The following EHMT1 variants were observed in gnomAD, a reference collection of about 807,000 sequenced individuals.
The protein encoded by EHMT1 is histone-lysine N-methyltransferase EHMT1.
Under a neutral mutation model 147.2 loss-of-function variants are expected in EHMT1, and 15 were observed. The ratio of observed to expected loss-of-function variants is 0.10; its 90% CI spans 0.07 to 0.16. The LOEUF is 0.16. EHMT1 is among the 10% of genes least tolerant of loss of function. EHMT1 has a pLI of 1.00. For missense variants in EHMT1, 1,587 were observed against 1,772.4 expected (o/e 0.90, Z 1.88); for synonymous variants, 795 against 709.6 (o/e 1.12, Z -1.91).
At chr9:137,745,402 A>G in intron 6 of EHMT1, 1 of 397,166 alleles carries the variant, frequency 2.5e-6, no homozygotes, top group Non-Finnish European at 4.4e-6. Context: ...TATTACCATT[A>G]GATATTTAAA....
intron 17 of EHMT1, among the ~76,000 whole-genome samples, chr9:137,799,663 C>T (rs1157509427): frequency 1.3e-5 from 2 of 152,230 alleles, no homozygotes; most frequent in East Asian, 1.9e-4. Context: ...CGCTCGCTCT[C>T]ACTCCTTCCT....
At chr9:137,654,900 T>A (rs904675083) in intron 1 of EHMT1, among the ~76,000 whole-genome samples, 14 of 152,170 alleles carry the variant, frequency 9.2e-5, no homozygotes, top group Non-Finnish European at 1.8e-4. Flanking sequence ...TGCCTATGGC[T>A]TAGACAGGCC....
intron 25 of EHMT1, among the ~76,000 whole-genome samples, chr9:137,831,079 A>G (rs1020481937): frequency 6.6e-6 from 1 of 152,042 alleles, no homozygotes; most frequent in Non-Finnish European, 1.5e-5. Context: ...GGGGTGCAGC[A>G]GTTCTCTGGG....
chr9:137,768,643 G>A (rs1327266417), intron 10 of EHMT1, among the ~76,000 whole-genome samples: 21 of 130,580 alleles, frequency 1.6e-4, no homozygotes, highest in Admixed American at 2.7e-4. Flanking sequence ...TCCGCCTCCC[G>A]GGTTCACGCC....
At position 137,777,909 on chromosome 9, in the gene EHMT1, C is replaced by G. The variant is rs755542553; in HGVS notation, c.2046C>G (p.Asp682Glu). The change falls in exon 13 of 27, where the codon GAC (aspartate) becomes GAG (glutamate). Residue 682 changes from aspartate (D) to glutamate (E), a missense_variant. Transcript: ENST00000460843. ...CTGCCGGGCCACCACTCTCGGAGGA[C>G]GACAAGCTGCAGGGTGCAGCCTCCC... ...GSAAGPPLSE[D>E]DKLQGAASHV... The G allele has an allele frequency of 6.2e-7, 1 of 1,613,494 alleles. No individual in the cohort carries two copies. Among genetic ancestry groups the G allele is most frequent in the Non-Finnish European group, 8.5e-7 (1 of 1,180,040 alleles).
At chr9:137,771,353 C>G (rs1390331936) in intron 10 of EHMT1, among the ~76,000 whole-genome samples, 1 of 152,024 alleles carries the variant, frequency 6.6e-6, no homozygotes, top group East Asian at 1.9e-4. Context: ...GTGCTCGCCA[C>G]CATGCCTGGC....
intron 7 of EHMT1, 44 bp downstream of exon 7, chr9:137,752,452 A>G (rs1219320126): frequency 2.5e-6 from 4 of 1,598,800 alleles, no homozygotes; most frequent in Non-Finnish European, 2.6e-6. Context: ...GATGTAGAGG[A>G]GATGCAAAGA....
intron 18 of EHMT1, among the ~76,000 whole-genome samples, chr9:137,803,559 A>T (rs1329850949): frequency 6.6e-6 from 1 of 152,158 alleles, no homozygotes; most frequent in Non-Finnish European, 1.5e-5. Flanking sequence ...ATCAGTGGAC[A>T]TTAGGTTGTT....
At chr9:137,675,630 ATTTTTT>A (rs61666243) in intron 1 of EHMT1, among the ~76,000 whole-genome samples, 1 of 105,760 alleles carries the variant, frequency 9.5e-6, no homozygotes, top group African/African-American at 4.2e-5. Flanking sequence ...CGCCCGGCTA[ATTTTTT>A]TTTTTTTTTT....
At chr9:137,738,587 T>G (rs1022318839) in intron 4 of EHMT1, 2 of 152,102 alleles carry the variant, frequency 1.3e-5, no homozygotes, top group African/African-American at 4.8e-5. Context: ...GAGATGCTTG[T>G]ACACCCACGT....
At chr9:137,795,578 G>A (rs778939980) in intron 16 of EHMT1, among the ~76,000 whole-genome samples, 3 of 152,178 alleles carry the variant, frequency 2.0e-5, no homozygotes, top group Admixed American at 1.3e-4. Context: ...AGACACGGGA[G>A]GACGTGCAGA....
chr9:137,644,627 A>G (rs981349029), intron 1 of EHMT1, among the ~76,000 whole-genome samples: 6 of 152,076 alleles, frequency 3.9e-5, no homozygotes, highest in Admixed American at 6.6e-5. Flanking sequence ...GGCCCGGCCA[A>G]AAACATTCAC....
rs1955989078 is a variant in EHMT1 at position 137,828,694 on chromosome 9, T to C, written c.3541-5655T>C. 6.6e-6 allele frequency among the ~76,000 whole-genome samples: 1 copy of C among 152,168 alleles called. No individual in the cohort carries two copies. Among genetic ancestry groups the C allele is most frequent in the Non-Finnish European group, 1.5e-5 (1 of 68,028 alleles). On this transcript the variant is annotated intron_variant, in intron 25 of 26. Coordinates refer to ENST00000460843, the MANE Select transcript of EHMT1 (RefSeq NM_024757.5). This position sits in a 1 kb window ranked among gnomAD's most constrained non-coding sequence, Gnocchi z 5.3. ...TCTCAGGGTGGGAGGAGGGTTATTT[T>C]TAACGCACTGCACTAGAGCATCTCT...
rs1308431693 is a variant in EHMT1 at position 137,717,050 on chromosome 9, G to T, written c.510G>T (p.Gln170His). The change falls in exon 3 of 27, where the codon CAG (glutamine) becomes CAT (histidine). Residue 170 changes from glutamine to histidine, a missense_variant. Physicochemically the swap from Gln to His is conservative, Grantham distance 24. Transcript: ENST00000460843. ...GCAGGACTCCAAGCGCTTTTCCCCA[G>T]ACGCCAGCCGCCCCACCAGCCACCC... ...GKGRTPSAFP[Q>H]TPAAPPATLG... is the part of the protein sequence containing the mutation. 3 of 1,607,014 alleles carry T rather than the reference G, an allele frequency of 1.9e-6. No individual in the cohort carries two copies. In the Admixed American group the frequency reaches 5.0e-5, roughly 27 times the overall value.
chr9:137,675,907 C>G (rs1369163640), intron 1 of EHMT1, among the ~76,000 whole-genome samples: 6 of 149,136 alleles, frequency 4.0e-5, no homozygotes, highest in African/African-American at 1.5e-4. Context: ...CCTCAGCCTC[C>G]CAAGTAGCTG....
intron 14 of EHMT1, among the ~76,000 whole-genome samples, chr9:137,781,574 A>T (rs1951559809): frequency 6.6e-6 from 1 of 152,214 alleles, no homozygotes; most frequent in Admixed American, 6.5e-5. Context: ...TAGGTATTTT[A>T]TAACAGGCAA....
In EHMT1 at chr9:137,717,084, G is replaced by A. The variant is rs745866611; in HGVS notation, c.544G>A (p.Gly182Arg). 9.3e-6 allele frequency: 15 copies of A among 1,611,310 alleles called. No homozygotes were observed. The highest frequency in any genetic ancestry group is 1.3e-5 in the Non-Finnish European group (15 of 1,179,000). ...PAAPPATLGE[G>R]SADTEDRKLP... is the part of the protein sequence containing the mutation. ...CGCCCCACCAGCCACCCTTGGGGAG[G>A]GGAGTGCTGACACAGAGGACAGGAA... is the stretch of plus-strand genomic sequence containing the variant. The change falls in exon 3 of 27, where the codon GGG becomes AGG. Residue 182 changes from glycine to arginine, a missense_variant. Around this residue, in one of 7 missense-constraint regions of EHMT1, gnomAD observed 810 missense variants for 673.0 expected, o/e 1.20. Coordinates refer to ENST00000460843, the MANE Select transcript of EHMT1 (RefSeq NM_024757.5).
intron 7 of EHMT1, among the ~76,000 whole-genome samples, chr9:137,753,575 T>C (rs1949145708): frequency 6.6e-6 from 1 of 152,202 alleles, no homozygotes; most frequent in African/African-American, 2.4e-5. Flanking sequence ...CTGCTGTGCC[T>C]ACCTTAAATG....
At chr9:137,697,354 G>C (rs1353230801) in intron 1 of EHMT1, among the ~76,000 whole-genome samples, 1 of 152,182 alleles carries the variant, frequency 6.6e-6, no homozygotes, top group Non-Finnish European at 1.5e-5. Flanking sequence ...CCATGTTTCT[G>C]TGGGGGTCTC....
Sources: gnomAD v4.1 joint callset for allele counts (sites outside exome capture counted in the v4.1 genomes callset) on GRCh38, gnomAD v4.1.1 for gene constraint, gnomAD v4.1.1 regional missense constraint, Gnocchi (gnomAD v3.1) non-coding constraint, MANE v1.5 for transcripts, NCBI Gene and HGNC (gene_info 2026-07-23, HGNC 2026-07-21) for gene names.